The following GPC5 variants were observed in gnomAD, a reference collection of about 807,000 sequenced individuals.
The protein encoded by GPC5 is glypican-5.
In GPC5, 47 loss-of-function variants were observed where a neutral mutation model predicts 53.9. That is an observed-to-expected ratio of 0.87 (90% CI 0.69 to 1.11). The LOEUF (loss-of-function observed/expected upper bound fraction) is 1.11, where lower values mean the gene tolerates loss of function less well. GPC5 is among the 50% of genes most tolerant of loss of function. The pLI is 0.00. For missense variants in GPC5, 748 were observed against 713.1 expected (o/e 1.05, Z -0.56); for synonymous variants, 286 against 263.3 (o/e 1.09, Z -0.84).
chr13:92,800,016 G>T (rs979122684), intron 7 of GPC5, among the ~76,000 whole-genome samples: 1 of 151,594 alleles, frequency 6.6e-6, no homozygotes, highest in Non-Finnish European at 1.5e-5. Flanking sequence ...GATAGTAATA[G>T]CCCTAGATAT....
intron 2 of GPC5, among the ~76,000 whole-genome samples, chr13:91,571,871 A>ACACACACATATACGTGTGTGTGTG (rs1231149317): frequency 5.7e-5 from 4 of 70,180 alleles, no homozygotes; most frequent in African/African-American, 2.5e-4. Flanking sequence ...GTGTGTGTAT[A>ACACACACATATACGTGTGTGTGTG]TATACACACA....
At chr13:92,056,545 T>C (rs2041076054) in intron 6 of GPC5, among the ~76,000 whole-genome samples, 1 of 152,226 alleles carries the variant, frequency 6.6e-6, no homozygotes. Context: ...AATTTTTACC[T>C]GTATATTTGG....
At chr13:92,292,004 C>T (rs1209000336) in intron 7 of GPC5, among the ~76,000 whole-genome samples, 1 of 152,210 alleles carries the variant, frequency 6.6e-6, no homozygotes, top group Non-Finnish European at 1.5e-5. Flanking sequence ...GGGTCCGCGG[C>T]TTCATTCTTG....
chr13:92,260,653 C>T (rs2042759857), intron 7 of GPC5, among the ~76,000 whole-genome samples: 1 of 152,162 alleles, frequency 6.6e-6, no homozygotes, highest in African/African-American at 2.4e-5. Flanking sequence ...TTACCCATAG[C>T]CACAGGAAAT....
intron 6 of GPC5, among the ~76,000 whole-genome samples, chr13:92,023,050 T>G (rs1043700001): frequency 5.3e-5 from 8 of 152,216 alleles, no homozygotes; most frequent in African/African-American, 1.9e-4. Context: ...TCACTTACTT[T>G]AAACTCTCTC....
Position 91,766,236 on chromosome 13 carries a change from G to A in GPC5, c.1280+9816G>A, listed in dbSNP as rs767514200. On this transcript the variant is annotated intron_variant, in intron 5 of 7. Coordinates refer to ENST00000377067, the MANE Select transcript of GPC5 (RefSeq NM_004466.6). The stretch of plus-strand genomic sequence containing the variant: ...GACTTGGAAGCAAGAAAGCGAGTGG[G>A]AGCAAATGCATTCTTGAGTGAAATG... 7.4e-4 allele frequency among the ~76,000 whole-genome samples: 112 copies of A among 152,316 alleles called. 1 individual carries two copies. Among genetic ancestry groups the A allele is most frequent in the Non-Finnish European group, 1.2e-3 (84 of 68,014 alleles).
chr13:92,534,074 C>T (rs1253781161), intron 7 of GPC5, among the ~76,000 whole-genome samples: 2 of 151,978 alleles, frequency 1.3e-5, no homozygotes, highest in South Asian at 4.1e-4. Flanking sequence ...ATCACTTGAG[C>T]CCATTAGATC....
intron 7 of GPC5, among the ~76,000 whole-genome samples, chr13:92,399,459 A>G (rs1217207038): frequency 1.3e-5 from 2 of 152,088 alleles, no homozygotes; most frequent in African/African-American, 2.4e-5. Flanking sequence ...CTTCCAGATC[A>G]TTCCTCAAGT....
At chr13:92,584,091 A>T (rs183108568) in intron 7 of GPC5, among the ~76,000 whole-genome samples, 1 of 152,358 alleles carries the variant, frequency 6.6e-6, no homozygotes, top group East Asian at 1.9e-4. Flanking sequence ...CTAATACAGT[A>T]CATTGGTACC....
chr13:92,483,683 TG>T (rs1254885084), intron 7 of GPC5, among the ~76,000 whole-genome samples: 1 of 152,242 alleles, frequency 6.6e-6, no homozygotes, highest in African/African-American at 2.4e-5. Flanking sequence ...TTTATAATTT[TG>T]TTTTTTAACA....
At chr13:92,249,776 T>C (rs755173489) in intron 7 of GPC5, among the ~76,000 whole-genome samples, 12 of 152,026 alleles carry the variant, frequency 7.9e-5, no homozygotes, top group Admixed American at 1.3e-4. Context: ...TGCTTCCGTT[T>C]TGTCAACATC....
chr13:92,134,321 C>T (rs2041767090), intron 6 of GPC5, among the ~76,000 whole-genome samples: 1 of 152,142 alleles, frequency 6.6e-6, no homozygotes. Flanking sequence ...CCTTACTTGT[C>T]ATGATACCCA....
intron 5 of GPC5, among the ~76,000 whole-genome samples, chr13:91,796,838 A>G (rs2038054499): frequency 1.3e-5 from 2 of 152,144 alleles, no homozygotes; most frequent in Non-Finnish European, 2.9e-5. Context: ...TTTGAATGAA[A>G]GAGTTTGACT....
intron 5 of GPC5, among the ~76,000 whole-genome samples, chr13:91,834,003 T>G (rs1352150870): frequency 2.0e-5 from 3 of 152,152 alleles, no homozygotes; most frequent in Admixed American, 2.0e-4. Context: ...CCCCATCATC[T>G]CAGCCCAAAA....
chr13:91,805,582 A>C (rs775925567), intron 5 of GPC5, among the ~76,000 whole-genome samples: 4 of 152,182 alleles, frequency 2.6e-5, no homozygotes, highest in Non-Finnish European at 4.4e-5. Context: ...TGCCTTATTA[A>C]AACATTTATA....
intron 7 of GPC5, among the ~76,000 whole-genome samples, chr13:92,390,111 A>G (rs1219273409): frequency 6.6e-6 from 1 of 152,172 alleles, no homozygotes; most frequent in Non-Finnish European, 1.5e-5. Flanking sequence ...AGAGAGAAAA[A>G]AATAATTTAC....
intron 2 of GPC5, among the ~76,000 whole-genome samples, chr13:91,649,040 G>A (rs976462954): frequency 3.2e-4 from 49 of 152,156 alleles, no homozygotes; most frequent in African/African-American, 1.2e-3. Context: ...ATGGTAGTGA[G>A]TGAGTTCTCA....
chr13:91,528,823 T>C (rs1381771010), intron 2 of GPC5, among the ~76,000 whole-genome samples: 6 of 152,138 alleles, frequency 3.9e-5, no homozygotes, highest in African/African-American at 1.4e-4. Context: ...AGGCACATCT[T>C]ACATGGCAGC....
At chr13:92,626,834 C>G (rs982889711) in intron 7 of GPC5, among the ~76,000 whole-genome samples, 9 of 152,136 alleles carry the variant, frequency 5.9e-5, no homozygotes, top group Admixed American at 1.3e-4. Flanking sequence ...AAAGCTTAGA[C>G]TTACTGGTAG....
Sources: allele counts gnomAD v4.1 joint callset (sites outside exome capture counted in the v4.1 genomes callset), GRCh38; gene constraint gnomAD v4.1.1; transcripts MANE v1.5; gene names NCBI Gene and HGNC (gene_info 2026-07-23, HGNC 2026-07-21).